The following CAMK4 variants were observed in gnomAD, a reference collection of about 807,000 sequenced individuals.
The protein encoded by CAMK4 is calcium/calmodulin dependent protein kinase IV.
In CAMK4, 22 loss-of-function variants were observed where a neutral mutation model predicts 44.9. The observed-to-expected ratio is 0.49, with a 90% confidence interval of 0.35 to 0.70. The LOEUF (loss-of-function observed/expected upper bound fraction) is 0.70, where lower values mean the gene tolerates loss of function less well. Ranked by LOEUF, CAMK4 falls within the 30% of genes least tolerant of loss-of-function variation. The probability of loss-of-function intolerance (pLI) is 0.01; values close to 1 mark genes in which losing one functional copy is unlikely to be tolerated. For missense variants in CAMK4, 498 were observed against 586.8 expected (o/e 0.85, Z 1.56); for synonymous variants, 218 against 215.4 (o/e 1.01, Z -0.11).
chr5:111,463,439 T>C (rs1424319204), intron 7 of CAMK4, among the ~76,000 whole-genome samples: 1 of 152,180 alleles, frequency 6.6e-6, no homozygotes, highest in Non-Finnish European at 1.5e-5. Flanking sequence ...ACATAACCTC[T>C]TGGGAGCTCT....
At chr5:111,475,953 G>C (rs1755221298) in intron 8 of CAMK4, among the ~76,000 whole-genome samples, 1 of 152,182 alleles carries the variant, frequency 6.6e-6, no homozygotes, top group African/African-American at 2.4e-5. Context: ...GTAACCAAAT[G>C]AAGAATTAGA....
chr5:111,240,402 A>G (rs993134384), intron 1 of CAMK4, among the ~76,000 whole-genome samples: 71 of 152,306 alleles, frequency 4.7e-4, no homozygotes, highest in Middle Eastern at 3.4e-3. Context: ...GAAGAGACTT[A>G]TATTTAAATG....
At chr5:111,285,330 A>G (rs1751197419) in intron 1 of CAMK4, among the ~76,000 whole-genome samples, 1 of 152,242 alleles carries the variant, frequency 6.6e-6, no homozygotes, top group Admixed American at 6.5e-5. Flanking sequence ...TTATGGTTTT[A>G]TAGATTCCAA....
intron 1 of CAMK4, among the ~76,000 whole-genome samples, chr5:111,253,610 G>A (rs1749614393): frequency 6.6e-6 from 1 of 152,202 alleles, no homozygotes; most frequent in African/African-American, 2.4e-5. Context: ...GAAGAGAACA[G>A]AAATGAACAA....
intron 1 of CAMK4, among the ~76,000 whole-genome samples, chr5:111,262,180 C>CA (rs200729378): frequency 0.046 from 3,572 of 77,974 alleles, 110 homozygotes; most frequent in African/African-American, 0.11. Flanking sequence ...GCTAAACGGG[C>CA]AAAAAAAAAA....
At chr5:111,399,110 C>T (rs1373142924) in intron 5 of CAMK4, among the ~76,000 whole-genome samples, 1 of 152,186 alleles carries the variant, frequency 6.6e-6, no homozygotes, top group Non-Finnish European at 1.5e-5. Context: ...AATGCCTTAA[C>T]ATATCGTAGG....
At chr5:111,319,037 T>C (rs1449044159) in intron 1 of CAMK4, among the ~76,000 whole-genome samples, 1 of 152,186 alleles carries the variant, frequency 6.6e-6, no homozygotes, top group Non-Finnish European at 1.5e-5. Flanking sequence ...ATTCATTCAA[T>C]TTATTTTAAA....
chr5:111,275,345 C>G (rs1013892419), intron 1 of CAMK4, among the ~76,000 whole-genome samples: 1 of 151,684 alleles, frequency 6.6e-6, no homozygotes, highest in African/African-American at 2.4e-5. Flanking sequence ...TTTTTTGACA[C>G]TTCTCCTGTT....
chr5:111,283,622 T>C (rs1751112536), intron 1 of CAMK4, among the ~76,000 whole-genome samples: 1 of 152,252 alleles, frequency 6.6e-6, no homozygotes, highest in Non-Finnish European at 1.5e-5. Context: ...AGAATTCATA[T>C]TCATTTTTCA....
Position 111,484,108 on chromosome 5 carries a change from C to T in CAMK4, c.1064C>T (p.Ala355Val). Reference sequence around the variant, plus strand: ...GGCAGCATCCAGGAGAGCCACAAGGCTAGCCGAGACCCTTCTCCAATCCAA... The same window carrying T: ...GGCAGCATCCAGGAGAGCCACAAGGTTAGCCGAGACCCTTCTCCAATCCAA... ...SHGSIQESHK[A>V]SRDPSPIQDG... The change falls in exon 11 of 11, where the codon GCT becomes GTT. Residue 355 changes from alanine to valine, a missense_variant. By Grantham distance (64) the Ala-to-Val change is moderately conservative. Transcript: ENST00000282356. This position sits in a 1 kb window ranked among gnomAD's most constrained non-coding sequence, Gnocchi z 5.3. 6.2e-7 allele frequency: 1 copy of T among 1,614,018 alleles called. No individual in the cohort carries two copies. The highest frequency in any genetic ancestry group is 8.5e-7 in the Non-Finnish European group (1 of 1,179,926).
At chr5:111,248,453 T>A (rs1465599274) in intron 1 of CAMK4, among the ~76,000 whole-genome samples, 2 of 152,028 alleles carry the variant, frequency 1.3e-5, no homozygotes, top group East Asian at 3.9e-4. Context: ...CACTTACTTT[T>A]TAATGTGACA....
At chr5:111,425,450 C>A (rs545467909) in intron 5 of CAMK4, among the ~76,000 whole-genome samples, 16 of 152,288 alleles carry the variant, frequency 1.1e-4, no homozygotes, top group African/African-American at 3.9e-4. Flanking sequence ...AATGCAAGCA[C>A]CTGCCACCTC....
At chr5:111,445,546 A>G (rs990037832) in intron 5 of CAMK4, among the ~76,000 whole-genome samples, 38 of 152,162 alleles carry the variant, frequency 2.5e-4, no homozygotes, top group Admixed American at 5.9e-4. Context: ...CTCCCACCTC[A>G]GCCTCCAGAG....
At chr5:111,314,643 T>G (rs564846126) in intron 1 of CAMK4, among the ~76,000 whole-genome samples, 1 of 152,100 alleles carries the variant, frequency 6.6e-6, no homozygotes, top group Admixed American at 6.6e-5. Flanking sequence ...TTCCCACCAA[T>G]ATAATGATAT....
intron 5 of CAMK4, among the ~76,000 whole-genome samples, chr5:111,425,155 G>C (rs1276342490): frequency 2.4e-5 from 3 of 127,618 alleles, no homozygotes; most frequent in African/African-American, 8.8e-5. Context: ...AGACCAAGAC[G>C]CTGTCTTAAA....
chr5:111,281,732 T>G (rs1309248523), intron 1 of CAMK4, among the ~76,000 whole-genome samples: 3 of 152,310 alleles, frequency 2.0e-5, no homozygotes, highest in South Asian at 2.1e-4. Context: ...ATGGGCTGCG[T>G]CTCATGGAAA....
chr5:111,224,436 G>C lies in CAMK4; in HGVS notation c.-48G>C, dbSNP rs1561344104. On this transcript the variant is annotated 5_prime_UTR_variant, in exon 1 of 11. Coordinates refer to ENST00000282356, the MANE Select transcript of CAMK4 (RefSeq NM_001744.6). The surrounding 1 kb of genome is among the most constrained non-coding windows in gnomAD (Gnocchi z 5.7). ...CGGCTGGCGGCCGGCTTCTCGCTCG[G>C]GCAGCGGCGGCGGCGGCGGCGGCGG... 2 of 1,538,834 alleles carry C rather than the reference G, an allele frequency of 1.3e-6. No individual in the cohort carries two copies. Among genetic ancestry groups the C allele is most frequent in the Admixed American group, 2.0e-5 (1 of 50,434 alleles).
At chr5:111,317,768 T>C (rs1412949025) in intron 1 of CAMK4, among the ~76,000 whole-genome samples, 1 of 151,900 alleles carries the variant, frequency 6.6e-6, no homozygotes, top group Non-Finnish European at 1.5e-5. Flanking sequence ...CTGCACTTGG[T>C]TTAATGCTCT....
At chr5:111,258,266 T>C (rs917592235) in intron 1 of CAMK4, among the ~76,000 whole-genome samples, 21 of 152,210 alleles carry the variant, frequency 1.4e-4, no homozygotes, top group African/African-American at 4.3e-4. Context: ...GTAAAAATTA[T>C]ATAAGATATA....
Sources: allele counts gnomAD v4.1 joint callset (sites outside exome capture counted in the v4.1 genomes callset), GRCh38; gene constraint gnomAD v4.1.1; non-coding constraint Gnocchi (gnomAD v3.1); transcripts MANE v1.5; gene names NCBI Gene and HGNC (gene_info 2026-07-23, HGNC 2026-07-21).